Variants in LTBP1 observed in about 807,000 individuals in gnomAD.
LTBP1 encodes latent transforming growth factor beta binding protein 1.
LTBP1 carries 129 observed loss-of-function variants against 207.6 expected under a neutral mutation model. The observed-to-expected ratio is 0.62, with a 90% CI of 0.54 to 0.72. The LOEUF is 0.72. LTBP1 is among the 30% of genes least tolerant of loss of function. LTBP1 has a pLI of 0.00. For missense variants in LTBP1, 2,281 were observed against 2,217.2 expected (o/e 1.03, Z -0.58); for synonymous variants, 963 against 833.7 (o/e 1.16, Z -2.67).
chr2:33,160,317 G>T (rs1297722344), intron 5 of LTBP1, among the ~76,000 whole-genome samples: 1 of 152,156 alleles, frequency 6.6e-6, no homozygotes, highest in African/African-American at 2.4e-5. Context: ...AATTGTTGGT[G>T]GATGAATCGC....
chr2:32,992,214 G>A (rs1475446091), intron 2 of LTBP1, among the ~76,000 whole-genome samples: 1 of 152,140 alleles, frequency 6.6e-6, no homozygotes, highest in Non-Finnish European at 1.5e-5. Flanking sequence ...ATGCTGCCAC[G>A]TGAAATGCAT....
chr2:33,077,315 C>T (rs962245750), intron 3 of LTBP1, among the ~76,000 whole-genome samples: 2 of 152,168 alleles, frequency 1.3e-5, no homozygotes, highest in African/African-American at 2.4e-5. Context: ...TTTGGAAAAG[C>T]GTATAAGTCC....
At chr2:33,252,441 G>A (rs765360700) in intron 10 of LTBP1, among the ~76,000 whole-genome samples, 6 of 152,286 alleles carry the variant, frequency 3.9e-5, no homozygotes, top group South Asian at 2.1e-4. Context: ...TGCTAAAATG[G>A]AAGAAGAGAC....
intron 7 of LTBP1, among the ~76,000 whole-genome samples, chr2:33,190,063 G>A (rs1185473225): frequency 3.3e-5 from 5 of 152,110 alleles, no homozygotes; most frequent in Admixed American, 6.6e-5. Flanking sequence ...CTTGCAAGGT[G>A]TAGTGCATGA....
At chr2:33,119,062 A>G (rs1189880399) in intron 4 of LTBP1, among the ~76,000 whole-genome samples, 1 of 152,180 alleles carries the variant, frequency 6.6e-6, no homozygotes. Flanking sequence ...ATAAGGGCCC[A>G]AGAGTTTATA....
chr2:33,315,048 G>T lies in LTBP1; in HGVS notation c.3605-96G>T, dbSNP rs937385942. On this transcript the variant is annotated intron_variant, in intron 23 of 33. Transcript: ENST00000404816. Reference sequence around the variant, plus strand: ...AGTTGTTCCACTAAATAAATGTCCAGCCATGTCATAATAGATTTATTTGCC... The same window carrying T: ...AGTTGTTCCACTAAATAAATGTCCATCCATGTCATAATAGATTTATTTGCC... The T allele has an allele frequency of 2.3e-5, 22 of 972,314 alleles. No individual in the cohort carries two copies. The African/African-American group carries it at 3.5e-4, about 15-fold the overall frequency. 60.2% of individuals were successfully genotyped at this position (972,314 alleles called of 1,614,324 possible). A position where few individuals can be genotyped will look rare whatever the true frequency, so the allele number is the denominator to read the frequency against.
At chr2:33,352,415 C>T (rs1465303636) in intron 26 of LTBP1, among the ~76,000 whole-genome samples, 1 of 152,154 alleles carries the variant, frequency 6.6e-6, no homozygotes, top group African/African-American at 2.4e-5. Context: ...CAGGCATGAG[C>T]CACTGCACCC....
chr2:33,063,884 C>T (rs951906427), intron 3 of LTBP1, among the ~76,000 whole-genome samples: 1 of 147,770 alleles, frequency 6.8e-6, no homozygotes, highest in African/African-American at 2.5e-5. Flanking sequence ...GATGGAGTCT[C>T]GCTCTGTCGC....
chr2:33,110,951 G>A (rs1365842419), intron 4 of LTBP1, among the ~76,000 whole-genome samples, 200 bp downstream of exon 4: 1 of 152,100 alleles, frequency 6.6e-6, no homozygotes, highest in African/African-American at 2.4e-5. Context: ...TTTTTCCTGG[G>A]TTTTGGAAAT....
intron 9 of LTBP1, among the ~76,000 whole-genome samples, chr2:33,235,526 C>T (rs1349286149): frequency 6.6e-6 from 1 of 152,124 alleles, no homozygotes; most frequent in Non-Finnish European, 1.5e-5. Context: ...CCAGAAATAC[C>T]ATTTGACCCA....
chr2:33,050,152 TTC>T (rs2076656145), intron 3 of LTBP1, among the ~76,000 whole-genome samples: 2 of 89,738 alleles, frequency 2.2e-5, no homozygotes, highest in Non-Finnish European at 4.4e-5. Flanking sequence ...TTCTTTTCTT[TTC>T]TTTTTTTTTT....
chr2:33,326,673 T>TTTATTTATTTATTTATTTATTTATTTA (rs1559016974), intron 24 of LTBP1, among the ~76,000 whole-genome samples: 2 of 38,934 alleles, frequency 5.1e-5, no homozygotes, highest in African/African-American at 2.5e-4. Flanking sequence ...TTATTTATTT[T>TTTATTTATTTATTTATTTATTTATTTA]TTGGAGGCCG....
chr2:33,276,063 G>C (rs2093420414), intron 18 of LTBP1, 140 bp downstream of exon 18: 2 of 1,056,634 alleles, frequency 1.9e-6, no homozygotes, highest in African/African-American at 3.3e-5. Flanking sequence ...AGATTCACAG[G>C]CTCTTTGCCT....
At chr2:33,113,520 T>G (rs945911972) in intron 4 of LTBP1, among the ~76,000 whole-genome samples, 1 of 152,204 alleles carries the variant, frequency 6.6e-6, no homozygotes, top group African/African-American at 2.4e-5. Context: ...GTGCTTTCTT[T>G]TGGGAGGGAT....
intron 3 of LTBP1, among the ~76,000 whole-genome samples, chr2:33,056,878 C>G (rs536514397): frequency 2.0e-5 from 3 of 152,172 alleles, no homozygotes; most frequent in South Asian, 4.2e-4. Flanking sequence ...CTTATCCGGC[C>G]CCACCCACAT....
chr2:33,356,013 C>T (rs2094854265), intron 26 of LTBP1, among the ~76,000 whole-genome samples: 1 of 151,650 alleles, frequency 6.6e-6, no homozygotes, highest in Admixed American at 6.6e-5. Flanking sequence ...TGTTACCGAA[C>T]ACCAGGGGTT....
intron 3 of LTBP1, among the ~76,000 whole-genome samples, chr2:33,069,122 C>A (rs571706807): frequency 1.8e-4 from 27 of 152,320 alleles, no homozygotes; most frequent in African/African-American, 5.8e-4. Flanking sequence ...GTTAAGTTGT[C>A]TGGGAGAGGG....
intron 31 of LTBP1, among the ~76,000 whole-genome samples, chr2:33,374,268 T>C (rs2150261714): frequency 6.6e-6 from 1 of 152,324 alleles, no homozygotes; most frequent in East Asian, 1.9e-4. Flanking sequence ...CTGCCTTTGG[T>C]TTAGGCAATC....
intron 3 of LTBP1, among the ~76,000 whole-genome samples, chr2:33,023,168 T>A (rs1220043786): frequency 6.6e-6 from 1 of 152,246 alleles, no homozygotes; most frequent in African/African-American, 2.4e-5. Context: ...TGTGTTGAAC[T>A]ATGCTTTGGC....
Sources: allele counts gnomAD v4.1 joint callset (sites outside exome capture counted in the v4.1 genomes callset), GRCh38; gene constraint gnomAD v4.1.1; transcripts MANE v1.5; gene names NCBI Gene and HGNC (gene_info 2026-07-23, HGNC 2026-07-21).